Variants in SIK3 observed in about 807,000 individuals in gnomAD.
The protein encoded by SIK3 is serine/threonine-protein kinase SIK3.
In SIK3, 28 loss-of-function variants were observed where a neutral mutation model predicts 144.2. That is an observed-to-expected ratio of 0.19 (90% CI 0.14 to 0.27). The LOEUF (loss-of-function observed/expected upper bound fraction) is 0.27. Among genes scored for constraint, SIK3 ranks in the 10% least tolerant of loss-of-function variants. SIK3 has a pLI of 1.00. For synonymous variants in SIK3, 686 were observed against 676.3 expected (o/e 1.01, Z -0.22); for missense variants, 1,319 against 1,776.0 (o/e 0.74, Z 4.62).
In SIK3 at chr11:116,867,853, C is replaced by T. The variant is rs994452123; in HGVS notation, c.1952+93G>A. 1.5e-6 allele frequency: 2 copies of T among 1,313,164 alleles called. No homozygotes were observed. Among genetic ancestry groups the T allele is most frequent in the Non-Finnish European group, 2.0e-6 (2 of 982,016 alleles). 81.3% of individuals were successfully genotyped at this position (1,313,164 alleles called of 1,614,324 possible). A position where few individuals can be genotyped will look rare whatever the true frequency, so the allele number is the denominator to read the frequency against. On this transcript the variant is annotated intron_variant, in intron 15 of 24. Transcript: ENST00000445177. This position sits in a 1 kb window ranked among gnomAD's most constrained non-coding sequence, Gnocchi z 4.1. ...GATGACAGCTGGCTTCTATTTAAAG[C>T]CACGATGCTAGTCACCGTCGCTGTG...
At chr11:116,951,345 C>A (rs1344686722) in intron 3 of SIK3, among the ~76,000 whole-genome samples, 1 of 152,082 alleles carries the variant, frequency 6.6e-6, no homozygotes, top group Admixed American at 6.6e-5. Context: ...TTAGGTAATA[C>A]ACTATTTTCT....
At chr11:116,918,576 T>C (rs1489954982) in intron 4 of SIK3, among the ~76,000 whole-genome samples, 1 of 152,196 alleles carries the variant, frequency 6.6e-6, no homozygotes, top group Non-Finnish European at 1.5e-5. Flanking sequence ...GAGAAGTCAC[T>C]CTGCACAAAC....
chr11:117,088,847 T>TTTA (rs142032672), intron 1 of SIK3, among the ~76,000 whole-genome samples: 1 of 151,624 alleles, frequency 6.6e-6, no homozygotes, highest in Non-Finnish European at 1.5e-5. Flanking sequence ...CCTGGTTATT[T>TTTA]TTATTATTAT....
At chr11:117,060,116 T>C (rs1953726725) in intron 1 of SIK3, among the ~76,000 whole-genome samples, 1 of 152,052 alleles carries the variant, frequency 6.6e-6, no homozygotes, top group African/African-American at 2.4e-5. Flanking sequence ...CCTTAATAGG[T>C]GAATGGGTAA....
At chr11:117,043,403 T>G (rs1459713970) in intron 1 of SIK3, among the ~76,000 whole-genome samples, 1 of 152,166 alleles carries the variant, frequency 6.6e-6, no homozygotes, top group Admixed American at 6.5e-5. Flanking sequence ...ATACTTACAC[T>G]GCAGTCTCCC....
intron 3 of SIK3, among the ~76,000 whole-genome samples, chr11:116,928,776 A>C (rs1361847506): frequency 6.6e-6 from 1 of 152,224 alleles, no homozygotes; most frequent in Non-Finnish European, 1.5e-5. Context: ...TAGTCACTTT[A>C]AGAACATATC....
intron 4 of SIK3, among the ~76,000 whole-genome samples, chr11:116,906,913 A>T (rs1401140734): frequency 1.3e-5 from 2 of 152,230 alleles, no homozygotes; most frequent in Non-Finnish European, 2.9e-5. Flanking sequence ...TTATATACAA[A>T]TATATTCAGA....
chr11:116,885,978 A>G (rs1256808597), intron 6 of SIK3, among the ~76,000 whole-genome samples: 1 of 152,256 alleles, frequency 6.6e-6, no homozygotes, highest in African/African-American at 2.4e-5. Context: ...TGGTCAATAA[A>G]TGTTGACTAT....
At chr11:116,862,690 T>C (rs1170211710) in intron 16 of SIK3, among the ~76,000 whole-genome samples, 1 of 152,172 alleles carries the variant, frequency 6.6e-6, no homozygotes, top group African/African-American at 2.4e-5. Flanking sequence ...ATTTCCTTCC[T>C]CTGAGAGTGC....
At chr11:116,948,857 A>G (rs1276651614) in intron 3 of SIK3, among the ~76,000 whole-genome samples, 6 of 152,112 alleles carry the variant, frequency 3.9e-5, no homozygotes, top group Non-Finnish European at 5.9e-5. Flanking sequence ...AGCAAGCAGA[A>G]AGAAGGAAAT....
Position 117,055,956 on chromosome 11 carries a change from T to C in SIK3, c.273+42187A>G, listed in dbSNP as rs118161316. Among the ~76,000 whole-genome samples the C allele has an allele frequency of 3.9e-4, 59 of 152,302 alleles. 1 individual carries two copies. The East Asian group carries it at 0.011, about 29-fold the overall frequency. Reference sequence around the variant, plus strand: ...AGTGCCCTCCCAGCCTCCAGAACTATGAGAAAATAAAATTCTGTTATTTAT... The same window carrying C: ...AGTGCCCTCCCAGCCTCCAGAACTACGAGAAAATAAAATTCTGTTATTTAT... On this transcript the variant is annotated intron_variant, in intron 1 of 24. Coordinates refer to ENST00000445177, the MANE Select transcript of SIK3 (RefSeq NM_001366686.3).
At chr11:116,919,242 T>C (rs1946831636) in intron 4 of SIK3, among the ~76,000 whole-genome samples, 1 of 152,230 alleles carries the variant, frequency 6.6e-6, no homozygotes. Context: ...GGTATCTCAG[T>C]ATATTCATAC....
At chr11:117,043,906 A>G (rs1952849069) in intron 1 of SIK3, among the ~76,000 whole-genome samples, 1 of 152,194 alleles carries the variant, frequency 6.6e-6, no homozygotes, top group Non-Finnish European at 1.5e-5. Context: ...CAAGTTCTTA[A>G]TTCATGTTTA....
intron 1 of SIK3, chr11:117,036,177 T>G: frequency 2.2e-6 from 1 of 449,706 alleles, no homozygotes. Context: ...CATCTCAGCC[T>G]CCCAAAATGT....
intron 1 of SIK3, among the ~76,000 whole-genome samples, chr11:117,050,066 G>A (rs145270835): frequency 5.3e-5 from 8 of 151,862 alleles, no homozygotes; most frequent in South Asian, 4.2e-4. Context: ...CAAGGCAGGC[G>A]GATCACCTGA....
At chr11:116,964,599 C>T (rs1949457778) in intron 1 of SIK3, among the ~76,000 whole-genome samples, 1 of 152,094 alleles carries the variant, frequency 6.6e-6, no homozygotes, top group Admixed American at 6.6e-5. Context: ...ATGTATAGCA[C>T]TCCAGGCACG....
At chr11:117,013,488 TA>T (rs1020339726) in intron 1 of SIK3, among the ~76,000 whole-genome samples, 1 of 152,048 alleles carries the variant, frequency 6.6e-6, no homozygotes, top group African/African-American at 2.4e-5. Context: ...CAAAAAAACA[TA>T]AAAAAACTTT....
At chr11:117,051,831 T>C (rs1473732893) in intron 1 of SIK3, among the ~76,000 whole-genome samples, 1 of 151,850 alleles carries the variant, frequency 6.6e-6, no homozygotes, top group East Asian at 2.0e-4. Flanking sequence ...GCCTGGCCTA[T>C]AGAGGTTTAT....
Position 116,846,337 on chromosome 11 carries a change from C to T in SIK3, c.*13+46G>A. The T allele has an allele frequency of 6.3e-7, 1 of 1,584,696 alleles. No individual in the cohort carries two copies. The highest frequency in any genetic ancestry group is 8.6e-7 in the Non-Finnish European group (1 of 1,161,942). Reference sequence around the variant, plus strand: ...AGCTCCTGATGGGATTGGGAGCAGGCACTGGGCCACAGGGCTGGTTTGGCT... The same window carrying T: ...AGCTCCTGATGGGATTGGGAGCAGGTACTGGGCCACAGGGCTGGTTTGGCT... On this transcript the variant is annotated intron_variant, in intron 24 of 24. Coordinates refer to ENST00000445177, the MANE Select transcript of SIK3 (RefSeq NM_001366686.3). The surrounding 1 kb of genome is among the most constrained non-coding windows in gnomAD (Gnocchi z 4.1).
Sources: gnomAD v4.1 joint callset for allele counts (sites outside exome capture counted in the v4.1 genomes callset) on GRCh38, gnomAD v4.1.1 for gene constraint, Gnocchi (gnomAD v3.1) non-coding constraint, MANE v1.5 for transcripts, NCBI Gene and HGNC (gene_info 2026-07-23, HGNC 2026-07-21) for gene names.